The following TMEM132D variants were observed in gnomAD, a reference collection of about 807,000 sequenced individuals.
The protein encoded by TMEM132D is mature OL transmembrane protein.
In TMEM132D, 21 loss-of-function variants were observed where a neutral mutation model predicts 62.3. The ratio of observed to expected loss-of-function variants is 0.34; its 90% confidence interval spans 0.24 to 0.49. The LOEUF (loss-of-function observed/expected upper bound fraction) is 0.49. TMEM132D is among the 20% of genes least tolerant of loss of function. The pLI is 0.99. For synonymous variants in TMEM132D, 621 were observed against 575.6 expected (o/e 1.08, Z -1.13); for missense variants, 1,346 against 1,402.8 (o/e 0.96, Z 0.65).
intron 5 of TMEM132D, among the ~76,000 whole-genome samples, chr12:129,195,461 C>A (rs1878521847): frequency 6.6e-6 from 1 of 151,544 alleles, no homozygotes; most frequent in African/African-American, 2.4e-5. Context: ...TGATGTGGCC[C>A]ATATTTTAAA....
At chr12:129,411,459 T>C (rs1412206258) in intron 3 of TMEM132D, among the ~76,000 whole-genome samples, 3 of 152,122 alleles carry the variant, frequency 2.0e-5, no homozygotes, top group Non-Finnish European at 4.4e-5. Context: ...ACCTCCACCT[T>C]CCAGGTTCAA....
At chr12:129,449,586 T>C (rs1323395373) in intron 3 of TMEM132D, among the ~76,000 whole-genome samples, 2 of 152,178 alleles carry the variant, frequency 1.3e-5, no homozygotes, top group Admixed American at 6.5e-5. Flanking sequence ...AGTGTTTACT[T>C]GTCCAAATTC....
At chr12:129,266,407 T>C (rs1164924980) in intron 4 of TMEM132D, among the ~76,000 whole-genome samples, 1 of 151,180 alleles carries the variant, frequency 6.6e-6, no homozygotes, top group African/African-American at 2.4e-5. Flanking sequence ...TTCTCTCCTC[T>C]TCTCTTCTCC....
chr12:129,755,738 C>T (rs1035528264), intron 1 of TMEM132D, among the ~76,000 whole-genome samples: 1 of 152,168 alleles, frequency 6.6e-6, no homozygotes, highest in Non-Finnish European at 1.5e-5. Context: ...AGAGCATACT[C>T]TGTTTCAGAG....
At chr12:129,437,069 T>A (rs1357380592) in intron 3 of TMEM132D, among the ~76,000 whole-genome samples, 3 of 152,184 alleles carry the variant, frequency 2.0e-5, no homozygotes, top group African/African-American at 7.2e-5. Flanking sequence ...TGGGGACATG[T>A]CTTCTAGCCA....
intron 2 of TMEM132D, among the ~76,000 whole-genome samples, chr12:129,563,364 C>G (rs1388905): frequency 6.6e-6 from 1 of 152,084 alleles, no homozygotes; most frequent in Non-Finnish European, 1.5e-5. Flanking sequence ...ATCCTCAGTG[C>G]TCTTAGTTTT....
chr12:129,525,283 T>C (rs1593050956), intron 3 of TMEM132D, among the ~76,000 whole-genome samples: 1 of 140,090 alleles, frequency 7.1e-6, no homozygotes, highest in East Asian at 2.3e-4. Flanking sequence ...AAATGATATC[T>C]AGTAGTTCTG....
At chr12:129,872,148 T>C (rs1367198921) in intron 1 of TMEM132D, among the ~76,000 whole-genome samples, 1 of 152,226 alleles carries the variant, frequency 6.6e-6, no homozygotes, top group Non-Finnish European at 1.5e-5. Flanking sequence ...TTTAGTGACG[T>C]CTCAGTGTCA....
At position 129,074,965 on chromosome 12, in the gene TMEM132D, G is replaced by A. The variant is rs2135605417; in HGVS notation, c.2210C>T (p.Ser737Phe). The A allele has an allele frequency of 6.2e-7, 1 of 1,614,066 alleles. No individual in the cohort carries two copies. The highest frequency in any genetic ancestry group is 1.1e-5 in the South Asian group (1 of 91,068). Residue 737 changes from serine (S) to phenylalanine (F), a missense_variant, in exon 9 of 9, where the codon TCT becomes TTT. Coordinates refer to ENST00000422113, the MANE Select transcript of TMEM132D (RefSeq NM_133448.3). ...GATGGAGACTACCTTCTCATCCAAA[G>A]ATGTGGCCATCAAGGAGAAGTCTTT... ...DGKDFSLMAT[S>F]LDEKVVSIHQ...
At chr12:129,338,449 T>C (rs1232545689) in intron 3 of TMEM132D, among the ~76,000 whole-genome samples, 2 of 152,136 alleles carry the variant, frequency 1.3e-5, no homozygotes, top group Non-Finnish European at 2.9e-5. Flanking sequence ...TAAGCATACA[T>C]CTAGAAACAA....
At chr12:129,189,257 G>A (rs1360970788) in intron 5 of TMEM132D, among the ~76,000 whole-genome samples, 2 of 152,056 alleles carry the variant, frequency 1.3e-5, no homozygotes, top group South Asian at 2.1e-4. Context: ...CAGGGACAGG[G>A]GACCAATTCC....
In TMEM132D at chr12:129,245,264, C is replaced by T. The variant is rs148785524; in HGVS notation, c.1300-35601G>A. ...CTACCGATGTTTTCATTATCTCCAC[C>T]GTTTTATCTTTTCCAGAATGTCATA... On this transcript the variant is annotated intron_variant, in intron 4 of 8. Transcript: ENST00000422113. Among the ~76,000 whole-genome samples the T allele has an allele frequency of 7.2e-3, 1,101 of 152,272 alleles. 14 individuals are homozygous for T. The highest frequency in any genetic ancestry group is 0.025 in the African/African-American group (1,049 of 41,564).
intron 5 of TMEM132D, among the ~76,000 whole-genome samples, chr12:129,113,551 T>A (rs2135647425): frequency 6.6e-6 from 1 of 152,202 alleles, no homozygotes; most frequent in East Asian, 1.9e-4. Flanking sequence ...AGTAATAAGA[T>A]ACATTAAAAA....
At chr12:129,810,125 G>A (rs1401226896) in intron 1 of TMEM132D, among the ~76,000 whole-genome samples, 5 of 152,078 alleles carry the variant, frequency 3.3e-5, no homozygotes, top group African/African-American at 1.2e-4. Context: ...TTAAGTTGGC[G>A]GTGCCGTATC....
chr12:129,666,858 A>G (rs1022109667), intron 2 of TMEM132D, among the ~76,000 whole-genome samples: 8 of 149,412 alleles, frequency 5.4e-5, no homozygotes, highest in African/African-American at 1.7e-4. Flanking sequence ...GTAAAAGATA[A>G]TAAGAAGGCA....
intron 2 of TMEM132D, among the ~76,000 whole-genome samples, chr12:129,645,855 G>T (rs1277421121): frequency 6.6e-6 from 1 of 152,090 alleles, no homozygotes; most frequent in South Asian, 2.1e-4. Context: ...CTAGTGCCAG[G>T]ACAGTTTACA....
At chr12:129,375,901 A>G (rs918611612) in intron 3 of TMEM132D, among the ~76,000 whole-genome samples, 2 of 152,186 alleles carry the variant, frequency 1.3e-5, no homozygotes, top group Non-Finnish European at 2.9e-5. Flanking sequence ...CCCCAGCCCC[A>G]GAAGTTCTTA....
At chr12:129,218,991 C>G (rs1353862220) in intron 4 of TMEM132D, among the ~76,000 whole-genome samples, 1 of 152,160 alleles carries the variant, frequency 6.6e-6, no homozygotes, top group Non-Finnish European at 1.5e-5. Context: ...CCTGGGGTTA[C>G]AGGTTTCCCC....
At chr12:129,794,253 A>ATTTTTTTTT (rs3046861) in intron 1 of TMEM132D, among the ~76,000 whole-genome samples, 9 of 111,546 alleles carry the variant, frequency 8.1e-5, no homozygotes, top group African/African-American at 1.7e-4. Context: ...CATGCCCAGC[A>ATTTTTTTTT]TTTTTTTTTT....
Sources: allele counts gnomAD v4.1 joint callset (sites outside exome capture counted in the v4.1 genomes callset), GRCh38; gene constraint gnomAD v4.1.1; transcripts MANE v1.5; gene names NCBI Gene and HGNC (gene_info 2026-07-23, HGNC 2026-07-21).